Variants in XYLT1 observed in about 807,000 individuals in gnomAD.
XYLT1 encodes xylosyltransferase 1, also known as beta-D-xylosyltransferase 1.
A neutral mutation model predicts 91.3 loss-of-function variants in XYLT1; 36 were observed. That is an observed-to-expected ratio of 0.39 (90% CI 0.30 to 0.52). XYLT1 has a LOEUF of 0.52. Among genes scored for constraint, XYLT1 ranks in the 20% least tolerant of loss-of-function variants. The pLI, the probability that XYLT1 is intolerant of heterozygous loss-of-function variation, is 0.68. For missense variants in XYLT1, 1,242 were observed against 1,284.5 expected, an observed-to-expected ratio of 0.97 and a Z score of 0.51; for synonymous variants, 588 against 532.0, an observed-to-expected ratio of 1.11 and a Z score of -1.45.
intron 1 of XYLT1, among the ~76,000 whole-genome samples, chr16:17,453,968 T>C (rs1468167583): frequency 6.6e-6 from 1 of 152,210 alleles, no homozygotes; most frequent in Non-Finnish European, 1.5e-5. Flanking sequence ...GGAAGAACAA[T>C]GGACAATTAA....
chr16:17,177,880 C>T (rs985296557), intron 5 of XYLT1, among the ~76,000 whole-genome samples: 2 of 152,202 alleles, frequency 1.3e-5, no homozygotes, highest in African/African-American at 4.8e-5. Context: ...CAGCAACTTG[C>T]CTGGTCAACC....
intron 1 of XYLT1, among the ~76,000 whole-genome samples, chr16:17,361,803 T>G (rs1291205420): frequency 6.6e-6 from 1 of 152,274 alleles, no homozygotes; most frequent in Non-Finnish European, 1.5e-5. Context: ...TCCTTTGGTT[T>G]ATTCTTAACT....
chr16:17,374,387 T>C (rs147796390), intron 1 of XYLT1, among the ~76,000 whole-genome samples: 52 of 151,198 alleles, frequency 3.4e-4, no homozygotes, highest in African/African-American at 1.1e-3. Context: ...TGTAGATTGA[T>C]TGGAATCTTC....
intron 1 of XYLT1, among the ~76,000 whole-genome samples, chr16:17,410,915 T>G (rs2036099699): frequency 6.6e-6 from 1 of 152,212 alleles, no homozygotes; most frequent in Admixed American, 6.5e-5. Context: ...GTGCTGGGAT[T>G]ACAGGCGTGA....
At chr16:17,333,292 TG>T (rs2141840197) in intron 2 of XYLT1, among the ~76,000 whole-genome samples, 1 of 152,352 alleles carries the variant, frequency 6.6e-6, no homozygotes, top group South Asian at 2.1e-4. Context: ...CATTTCATCA[TG>T]TGATCCATAT....
intron 2 of XYLT1, among the ~76,000 whole-genome samples, chr16:17,346,799 G>C (rs1437758361): frequency 6.6e-6 from 1 of 152,130 alleles, no homozygotes; most frequent in Non-Finnish European, 1.5e-5. Context: ...AGCTGGCTGG[G>C]TTTTTCCTTC....
At chr16:17,156,142 T>C (rs939446136) in intron 6 of XYLT1, among the ~76,000 whole-genome samples, 6 of 152,230 alleles carry the variant, frequency 3.9e-5, no homozygotes, top group Non-Finnish European at 7.3e-5. Flanking sequence ...AAGTCACTCG[T>C]CCAATGCAAC....
intron 1 of XYLT1, among the ~76,000 whole-genome samples, chr16:17,390,790 C>G (rs914552429): frequency 6.6e-6 from 1 of 152,196 alleles, no homozygotes; most frequent in African/African-American, 2.4e-5. Context: ...AATCCCAACA[C>G]TTTGGGAGCC....
intron 1 of XYLT1, 67 bp downstream of exon 1, chr16:17,470,367 G>T: frequency 8.3e-7 from 1 of 1,208,830 alleles, no homozygotes; most frequent in Non-Finnish European, 1.0e-6. Context: ...AAGGGCTAGG[G>T]GGGCGTGGGG....
intron 1 of XYLT1, among the ~76,000 whole-genome samples, chr16:17,381,421 CT>C (rs11299875): frequency 0.14 from 17,537 of 128,408 alleles, 986 homozygotes; most frequent in African/African-American, 0.32. Context: ...AAGGCAACAC[CT>C]TTTTTTTTTT....
intron 1 of XYLT1, among the ~76,000 whole-genome samples, chr16:17,416,749 A>G (rs2141917253): frequency 6.6e-6 from 1 of 152,314 alleles, no homozygotes; most frequent in South Asian, 2.1e-4. Flanking sequence ...TGCCTCCACC[A>G]GGGGTTGCCA....
At chr16:17,430,448 T>C (rs531993912) in intron 1 of XYLT1, among the ~76,000 whole-genome samples, 4 of 152,336 alleles carry the variant, frequency 2.6e-5, no homozygotes, top group Admixed American at 2.0e-4. Flanking sequence ...ACTCAGCCTG[T>C]ACATGGTTCT....
chr16:17,127,795 A>G lies in XYLT1; in HGVS notation c.2094T>C (p.Phe698=). The G allele has an allele frequency of 6.2e-7, 1 of 1,614,122 alleles. No homozygotes were observed. The highest frequency in any genetic ancestry group is 8.5e-7 in the Non-Finnish European group (1 of 1,180,020). ...GATTGGTAGCATGATGCTTGATCAG[A>G]AAGCCCTGGAAGCGGTCAGCAAGGA... ...LYFLADRFQG[F]LIKHHATNLA... The change falls in exon 10 of 12, where the codon TTT becomes TTC. Residue 698 remains phenylalanine (F), a synonymous_variant. Transcript: ENST00000261381.
At chr16:17,213,415 ACCTCATTTACT>A (rs2032798507) in intron 3 of XYLT1, among the ~76,000 whole-genome samples, 1 of 152,048 alleles carries the variant, frequency 6.6e-6, no homozygotes. Context: ...ACAAGACCTT[ACCTCATTTACT>A]CCTCACAGCA....
At chr16:17,220,800 G>T (rs1209385143) in intron 3 of XYLT1, among the ~76,000 whole-genome samples, 2 of 152,158 alleles carry the variant, frequency 1.3e-5, no homozygotes, top group African/African-American at 2.4e-5. Context: ...CTCTTCCTGG[G>T]CTTGTTTGCC....
intron 1 of XYLT1, among the ~76,000 whole-genome samples, chr16:17,374,796 G>C (rs1472626091): frequency 6.6e-6 from 1 of 152,074 alleles, no homozygotes; most frequent in South Asian, 2.1e-4. Context: ...AGTATTTGTA[G>C]GCTGAAACAA....
intron 2 of XYLT1, among the ~76,000 whole-genome samples, chr16:17,264,478 GGACAT>G (rs746922088): frequency 1.3e-5 from 2 of 152,170 alleles, no homozygotes; most frequent in Non-Finnish European, 2.9e-5. Flanking sequence ...ATCCAAGGAT[GGACAT>G]GACATATCAC....
intron 5 of XYLT1, among the ~76,000 whole-genome samples, chr16:17,185,361 T>G (rs1462538217): frequency 2.0e-5 from 3 of 152,252 alleles, no homozygotes; most frequent in Non-Finnish European, 4.4e-5. Flanking sequence ...ATACACCCTT[T>G]CAAACTCACA....
intron 3 of XYLT1, among the ~76,000 whole-genome samples, chr16:17,209,057 TAATA>T (rs1258794316): frequency 2.0e-5 from 3 of 152,344 alleles, no homozygotes; most frequent in Middle Eastern, 3.4e-3. Context: ...CAGTTTAGTA[TAATA>T]AATATACTTA....
Sources: allele counts gnomAD v4.1 joint callset (sites outside exome capture counted in the v4.1 genomes callset), GRCh38; gene constraint gnomAD v4.1.1; transcripts MANE v1.5; gene names NCBI Gene and HGNC (gene_info 2026-07-23, HGNC 2026-07-21).